PHF21A: variants seen among roughly 807,000 people sequenced by gnomAD.
PHF21A encodes PHD finger protein 21A.
Under a neutral mutation model 82.5 loss-of-function variants are expected in PHF21A, and 11 were observed. The ratio of observed to expected loss-of-function variants is 0.13; its 90% CI spans 0.08 to 0.22. The LOEUF is 0.22. PHF21A is among the 10% of genes least tolerant of loss of function. The pLI is 1.00. For missense variants in PHF21A, 579 were observed against 837.8 expected (o/e 0.69, Z 3.81); for synonymous variants, 297 against 302.8 (o/e 0.98, Z 0.20).
intron 1 of PHF21A, chr11:46,117,900 T>C (rs938598533): frequency 6.6e-6 from 1 of 152,328 alleles, no homozygotes; most frequent in Admixed American, 6.5e-5. Flanking sequence ...TATTTATGAA[T>C]GGAATTTTTA....
At position 46,112,423 on chromosome 11, in the gene PHF21A, T is replaced by C. The variant is rs534964073; in HGVS notation, c.-237+8512A>G. Reference sequence around the variant, plus strand: ...CCTTATTATGTGCCAAGCACCGTGCTAGGTACGGTCATAGATTTTAACAAT... The same window carrying C: ...CCTTATTATGTGCCAAGCACCGTGCCAGGTACGGTCATAGATTTTAACAAT... On this transcript the variant is annotated intron_variant, in intron 1 of 18. Coordinates refer to ENST00000676320, the MANE Select transcript of PHF21A (RefSeq NM_001352027.3). Among the ~76,000 whole-genome samples, 12 of 152,336 alleles carry C rather than the reference T, an allele frequency of 7.9e-5. No homozygotes were observed. In the East Asian group the frequency reaches 2.3e-3, roughly 29 times the overall value.
chr11:45,935,339 G>T, intron 18 of PHF21A: 1 of 1,000,564 alleles, frequency 1.0e-6, no homozygotes. Context: ...GAATACGCAG[G>T]GCCATGGCTA....
Position 45,935,710 on chromosome 11 carries a change from T to G in PHF21A, c.1714A>C (p.Lys572Gln). The G allele has an allele frequency of 7.0e-7, 1 of 1,418,990 alleles. No individual in the cohort carries two copies. 87.9% of individuals were successfully genotyped at this position (1,418,990 alleles called of 1,614,324 possible). A position where few individuals can be genotyped will look rare whatever the true frequency, so the allele number is the denominator to read the frequency against. Reference protein sequence around the residue: ...AKEEEKQKLLKWSSDLKQERE... With the variant: ...AKEEEKQKLLQWSSDLKQERE... ...TCTTGTTTTAAATCTGAACTCCATT[T>G]AAGTAACTTCTGTTTCTCTTCTTCT... The change falls in exon 18 of 19, where the codon AAA (lysine) becomes CAA (glutamine). Residue 572 changes from lysine (K) to glutamine (Q), a missense_variant. By Grantham distance (53) the Lys-to-Gln change is moderately conservative. Transcript: ENST00000676320.
At chr11:45,985,688 A>G (rs1022477915) in intron 6 of PHF21A, among the ~76,000 whole-genome samples, 3 of 152,182 alleles carry the variant, frequency 2.0e-5, no homozygotes, top group Admixed American at 6.5e-5. Flanking sequence ...GAGATTCACA[A>G]AGAATTAGAC....
intron 14 of PHF21A, among the ~76,000 whole-genome samples, chr11:45,946,314 A>G (rs1330656238): frequency 6.6e-6 from 1 of 152,192 alleles, no homozygotes; most frequent in Non-Finnish European, 1.5e-5. Flanking sequence ...GACTATTGCA[A>G]TTTGAGATTT....
At chr11:46,045,902 G>A (rs2096249063) in intron 6 of PHF21A, among the ~76,000 whole-genome samples, 2 of 152,120 alleles carry the variant, frequency 1.3e-5, no homozygotes, top group Admixed American at 1.3e-4. Flanking sequence ...TCCTCACTGG[G>A]TTGGACTCAA....
At chr11:46,092,045 C>T (rs925092336) in intron 2 of PHF21A, 138 bp downstream of exon 2, 2 of 151,726 alleles carry the variant, frequency 1.3e-5, no homozygotes, top group Non-Finnish European at 2.9e-5. Flanking sequence ...AATTCATTTC[C>T]ACTTAGTGCA....
intron 1 of PHF21A, among the ~76,000 whole-genome samples, chr11:46,100,320 C>G (rs2097076658): frequency 6.6e-6 from 1 of 151,856 alleles, no homozygotes; most frequent in Admixed American, 6.6e-5. Context: ...GTCTCTTCAT[C>G]AGAGCAGCAT....
chr11:45,934,641 C>G (rs2088380583), intron 18 of PHF21A: 1 of 245,736 alleles, frequency 4.1e-6, no homozygotes, highest in Non-Finnish European at 8.0e-6. Flanking sequence ...GCCTTCAGGA[C>G]TGGACTGAGC....
At chr11:45,980,090 C>A in intron 6 of PHF21A, 124 bp from the exon 7 acceptor site, 1 of 1,387,400 alleles carries the variant, frequency 7.2e-7, no homozygotes, top group Non-Finnish European at 9.8e-7. Flanking sequence ...TCTAAATTTA[C>A]ACAGGTTCTA....
intron 1 of PHF21A, among the ~76,000 whole-genome samples, chr11:46,102,744 T>A (rs1190882182): frequency 6.6e-6 from 1 of 152,256 alleles, no homozygotes; most frequent in Non-Finnish European, 1.5e-5. Context: ...AAATATTCAG[T>A]TACTGTGCAA....
Position 45,933,697 on chromosome 11 carries a change from T to G in PHF21A, c.*271A>C. The G allele has an allele frequency of 2.9e-6, 1 of 342,278 alleles. No homozygotes were observed. 21.2% of individuals were successfully genotyped at this position (342,278 alleles called of 1,614,324 possible). ...ACTGGTGTATAATAGAGAGAGTAAA[T>G]ATATTATTTCACTTGGCATGGTGCT... On this transcript the variant is annotated 3_prime_UTR_variant, in exon 19 of 19. Transcript: ENST00000676320.
intron 1 of PHF21A, among the ~76,000 whole-genome samples, chr11:46,102,205 T>C (rs1412450295): frequency 2.0e-5 from 3 of 152,180 alleles, no homozygotes; most frequent in Non-Finnish European, 4.4e-5. Context: ...AGCCTCGGCC[T>C]CCCACAGTGC....
intron 4 of PHF21A, among the ~76,000 whole-genome samples, chr11:46,079,970 A>G (rs1565888855): frequency 6.6e-6 from 1 of 152,202 alleles, no homozygotes; most frequent in Non-Finnish European, 1.5e-5. Flanking sequence ...AAAGTTAACA[A>G]TAACCATAGA....
chr11:46,062,828 G>T (rs544034489), intron 6 of PHF21A, among the ~76,000 whole-genome samples: 9 of 152,222 alleles, frequency 5.9e-5, no homozygotes, highest in South Asian at 2.1e-4. Flanking sequence ...TTACTGAAGA[G>T]AAATGAAAGC....
chr11:45,933,804 G>A lies in PHF21A; in HGVS notation c.*164C>T, dbSNP rs2088043570. On this transcript the variant is annotated 3_prime_UTR_variant, in exon 19 of 19. Transcript: ENST00000676320. ...ACACACAGAATAAGAAGGATCAATT[G>A]GCAAACTCTGGTGCCACCTGGCACA... 3.3e-6 allele frequency: 2 copies of A among 598,882 alleles called. No homozygotes were observed. Among genetic ancestry groups the A allele is most frequent in the Middle Eastern group, 4.5e-4 (1 of 2,210 alleles). The allele number at this position is 598,882 out of a possible 1,614,324, so 37.1% of individuals were successfully genotyped here. A position where few individuals can be genotyped will look rare whatever the true frequency, so the allele number is the denominator to read the frequency against.
At chr11:46,107,409 T>C (rs538847181) in intron 1 of PHF21A, among the ~76,000 whole-genome samples, 31 of 152,330 alleles carry the variant, frequency 2.0e-4, no homozygotes, top group African/African-American at 7.5e-4. Flanking sequence ...CTGTAGGACA[T>C]GGTCTGAGCC....
At chr11:46,111,634 TACATTCAA>T (rs1566055155) in intron 1 of PHF21A, among the ~76,000 whole-genome samples, 2 of 152,222 alleles carry the variant, frequency 1.3e-5, no homozygotes. Context: ...TGCTTCTGCA[TACATTCAA>T]ACTAAGACAT....
At position 46,034,427 on chromosome 11, in the gene PHF21A, A is replaced by T. The variant is rs543680012; in HGVS notation, c.153+42327T>A. On this transcript the variant is annotated intron_variant, in intron 6 of 18. Coordinates refer to ENST00000676320, the MANE Select transcript of PHF21A (RefSeq NM_001352027.3). ...CTTCTTTCTTTTATCCTCTTATGTTATTAGGTCCTTTCCTGTATGGTTTCT... is the reference window on the plus strand; with the variant it reads ...CTTCTTTCTTTTATCCTCTTATGTTTTTAGGTCCTTTCCTGTATGGTTTCT... Among the ~76,000 whole-genome samples the T allele has an allele frequency of 3.3e-5, 5 of 152,244 alleles. No homozygotes were observed. The South Asian group carries it at 1.0e-3, about 32-fold the overall frequency.
Sources: allele counts gnomAD v4.1 joint callset (sites outside exome capture counted in the v4.1 genomes callset), GRCh38; gene constraint gnomAD v4.1.1; transcripts MANE v1.5; gene names NCBI Gene and HGNC (gene_info 2026-07-23, HGNC 2026-07-21).